The following ZBTB8A variants were observed in gnomAD, a reference collection of about 807,000 sequenced individuals.
ZBTB8A encodes zinc finger and BTB domain containing 8A, also known as zinc finger and BTB domain-containing protein 8A.
Under a neutral mutation model 37.8 loss-of-function variants are expected in ZBTB8A, and 19 were observed. The observed-to-expected ratio is 0.50, with a 90% CI of 0.35 to 0.74. ZBTB8A has a LOEUF of 0.74. Among genes scored for constraint, ZBTB8A ranks in the 30% least tolerant of loss-of-function variants. ZBTB8A has a pLI of 0.01. For synonymous variants in ZBTB8A, 181 were observed against 185.2 expected (o/e 0.98, Z 0.19); for missense variants, 394 against 537.8 (o/e 0.73, Z 2.65).
chr1:32,587,358 A>G lies in ZBTB8A; in HGVS notation c.-1-5573A>G, dbSNP rs528477429. On this transcript the variant is annotated intron_variant, in intron 2 of 4. Coordinates refer to ENST00000373510, the MANE Select transcript of ZBTB8A (RefSeq NM_001040441.3). ...AGGTAAAACCAACAACATGGAGTCAAAGACGACTCAATGTCTTTGATCTAA... is the reference window on the plus strand; with the variant it reads ...AGGTAAAACCAACAACATGGAGTCAGAGACGACTCAATGTCTTTGATCTAA... Among the ~76,000 whole-genome samples the G allele has an allele frequency of 4.6e-5, 7 of 152,230 alleles. No homozygotes were observed. In the South Asian group the frequency reaches 1.5e-3, roughly 32 times the overall value.
Position 32,541,052 on chromosome 1 carries a change from T to C in ZBTB8A, c.-84+1480T>C, listed in dbSNP as rs141302576. 7.6e-4 allele frequency among the ~76,000 whole-genome samples: 116 copies of C among 152,376 alleles called. No homozygotes were observed. The East Asian group carries it at 0.02, about 27-fold the overall frequency. On this transcript the variant is annotated intron_variant, in intron 1 of 4. Coordinates refer to ENST00000373510, the MANE Select transcript of ZBTB8A (RefSeq NM_001040441.3). ...TTGTAAGATAGAGTAATTTAATTCA[T>C]CGTATGTCATTTAAATCTAATTTTT...
chr1:32,555,845 C>G (rs1472572885), intron 2 of ZBTB8A, among the ~76,000 whole-genome samples: 1 of 151,992 alleles, frequency 6.6e-6, no homozygotes, highest in Non-Finnish European at 1.5e-5. Context: ...TTCTTCTAAA[C>G]CAGTTATTTC....
At chr1:32,577,971 T>C (rs1362913182) in intron 2 of ZBTB8A, among the ~76,000 whole-genome samples, 1 of 152,008 alleles carries the variant, frequency 6.6e-6, no homozygotes, top group Non-Finnish European at 1.5e-5. Flanking sequence ...TGGTGTGATC[T>C]CAGCTCACTG....
intron 1 of ZBTB8A, among the ~76,000 whole-genome samples, chr1:32,549,387 G>C (rs572073157): frequency 6.6e-6 from 1 of 151,962 alleles, no homozygotes; most frequent in East Asian, 1.9e-4. Context: ...CCGGCTACTT[G>C]GGGGGCTGAG....
intron 2 of ZBTB8A, among the ~76,000 whole-genome samples, chr1:32,580,265 G>A (rs1006815472): frequency 1.3e-5 from 2 of 152,010 alleles, no homozygotes; most frequent in African/African-American, 4.8e-5. Context: ...TTTTTAAAGA[G>A]AGCATTGACT....
At chr1:32,590,194 A>G (rs1233889959) in intron 2 of ZBTB8A, among the ~76,000 whole-genome samples, 1 of 151,914 alleles carries the variant, frequency 6.6e-6, no homozygotes, top group Non-Finnish European at 1.5e-5. Context: ...TCAGCCTCCC[A>G]AAGTGCTGGG....
chr1:32,600,175 G>A lies in ZBTB8A; in HGVS notation c.1082G>A (p.Arg361His), dbSNP rs1156507203. The A allele has an allele frequency of 1.9e-6, 3 of 1,614,042 alleles. No individual in the cohort carries two copies. The highest frequency in any genetic ancestry group is 2.5e-6 in the Non-Finnish European group (3 of 1,180,022). Residue 361 changes from arginine to histidine, a missense_variant, in exon 5 of 5, where the codon CGC becomes CAC. By Grantham distance (29) the Arg-to-His change is conservative. Around this residue, in one of 4 missense-constraint regions of ZBTB8A, gnomAD observed 42 missense variants for 96.4 expected, o/e 0.44. Transcript: ENST00000373510. ...TGQVVQEGTR[R>H]YRLCNECLAE... ...CAAGTGGTACAGGAGGGAACCAGGC[G>A]CTACAGACTGTGTAATGAGTGTCTT...
chr1:32,564,557 C>T (rs767181462), intron 2 of ZBTB8A, among the ~76,000 whole-genome samples: 6 of 152,072 alleles, frequency 3.9e-5, no homozygotes, highest in South Asian at 2.1e-4. Flanking sequence ...CTATCCTCAG[C>T]CTTTGACCTA....
At chr1:32,597,844 G>A (rs1319987868) in intron 4 of ZBTB8A, among the ~76,000 whole-genome samples, 3 of 152,048 alleles carry the variant, frequency 2.0e-5, no homozygotes, top group Admixed American at 2.0e-4. Flanking sequence ...CCACCTGCTG[G>A]GTTCAAGTGA....
intron 2 of ZBTB8A, among the ~76,000 whole-genome samples, chr1:32,559,604 A>G (rs778725457): frequency 5.9e-5 from 9 of 151,826 alleles, no homozygotes; most frequent in Non-Finnish European, 1.2e-4. Context: ...ACCTGGGACT[A>G]CAGGTACATG....
At chr1:32,551,784 G>A (rs376497088) in intron 1 of ZBTB8A, among the ~76,000 whole-genome samples, 3 of 152,084 alleles carry the variant, frequency 2.0e-5, no homozygotes, top group East Asian at 1.9e-4. Context: ...TGTTCCCTAC[G>A]CTGGTCTGGA....
intron 2 of ZBTB8A, among the ~76,000 whole-genome samples, chr1:32,566,545 C>T (rs927233676): frequency 6.6e-6 from 1 of 152,036 alleles, no homozygotes; most frequent in Non-Finnish European, 1.5e-5. Context: ...ATAAAAAATA[C>T]ATAATAATAA....
chr1:32,539,703 C>CTT (rs1433189654), intron 1 of ZBTB8A, 131 bp downstream of exon 1: 4 of 506 alleles, frequency 7.9e-3, no homozygotes, highest in Non-Finnish European at 0.025. Flanking sequence ...CCGGGCGCGC[C>CTT]TCCCCCAGAC....
At chr1:32,562,035 G>A (rs531880176) in intron 2 of ZBTB8A, among the ~76,000 whole-genome samples, 7 of 151,422 alleles carry the variant, frequency 4.6e-5, no homozygotes, top group Non-Finnish European at 5.9e-5. Context: ...CTGCAGCCTC[G>A]AACTCCTGGG....
chr1:32,604,314 A>G lies in ZBTB8A; in HGVS notation c.*3895A>G, dbSNP rs981835565. 5 of 152,210 alleles carry G rather than the reference A, an allele frequency of 3.3e-5. No homozygotes were observed. Among genetic ancestry groups the G allele is most frequent in the African/African-American group, 1.2e-4 (5 of 41,452 alleles). The allele number at this position is 152,210 out of a possible 1,614,324, so 9.4% of individuals were successfully genotyped here. ...ATGAATTGTTTCCTAAAGATGCTCA[A>G]ATTTAAGGGATAAACTCTAAAATCA... is the stretch of plus-strand genomic sequence containing the variant. On this transcript the variant is annotated 3_prime_UTR_variant, in exon 5 of 5. Transcript: ENST00000373510.
At chr1:32,591,687 A>G (rs1644491179) in intron 2 of ZBTB8A, among the ~76,000 whole-genome samples, 1 of 152,042 alleles carries the variant, frequency 6.6e-6, no homozygotes, top group Non-Finnish European at 1.5e-5. Flanking sequence ...CTGAGGCCAG[A>G]GGATCGCTTG....
At chr1:32,585,161 GC>G (rs1175164246) in intron 2 of ZBTB8A, among the ~76,000 whole-genome samples, 1 of 149,902 alleles carries the variant, frequency 6.7e-6, no homozygotes, top group African/African-American at 2.5e-5. Context: ...CTCCCAAGTA[GC>G]CAAGACCACA....
In ZBTB8A at chr1:32,555,623, C is replaced by A. The variant is rs141371606; in HGVS notation, c.-2+2083C>A. Among the ~76,000 whole-genome samples, 705 of 152,282 alleles carry A rather than the reference C, an allele frequency of 4.6e-3. 6 individuals carry two copies. The highest frequency in any genetic ancestry group is 0.015 in the African/African-American group (634 of 41,552). On this transcript the variant is annotated intron_variant, in intron 2 of 4. Transcript: ENST00000373510. ...TCCTGCCGCACAATCATGGGCAATC[C>A]TCCAGGTTCCCCTCTCAGCCCATGC...
chr1:32,584,297 A>AT (rs1292695130), intron 2 of ZBTB8A, among the ~76,000 whole-genome samples: 1 of 152,108 alleles, frequency 6.6e-6, no homozygotes, highest in Non-Finnish European at 1.5e-5. Context: ...ATAAAATTAT[A>AT]TTTTTTTAAG....
Sources: allele counts gnomAD v4.1 joint callset (sites outside exome capture counted in the v4.1 genomes callset), GRCh38; gene constraint gnomAD v4.1.1; regional missense constraint gnomAD v4.1.1; transcripts MANE v1.5; gene names NCBI Gene and HGNC (gene_info 2026-07-23, HGNC 2026-07-21).